SERINC2: variants seen among roughly 807,000 people sequenced by gnomAD.
The protein encoded by SERINC2 is serine incorporator 2, also known as tumor differentially expressed protein 2.
In SERINC2, 56 loss-of-function variants were observed where a neutral mutation model predicts 54.2. That is an observed-to-expected ratio of 1.03 (90% CI 0.83 to 1.29). The LOEUF (loss-of-function observed/expected upper bound fraction) is 1.29, where lower values mean the gene tolerates loss of function less well. Among genes scored for constraint, SERINC2 ranks in the 50% most tolerant of loss-of-function variants. SERINC2 has a pLI of 0.00. For synonymous variants in SERINC2, 272 were observed against 253.1 expected (o/e 1.07, Z -0.71); for missense variants, 614 against 607.4 (o/e 1.01, Z -0.12).
intron 1 of SERINC2, among the ~76,000 whole-genome samples, chr1:31,416,557 C>T (rs782348592): frequency 3.9e-4 from 60 of 152,196 alleles, no homozygotes; most frequent in Non-Finnish European, 6.8e-4. Flanking sequence ...AGCCCTGGGG[C>T]GGCTCAGCCA....
At chr1:31,417,100 T>C (rs551892267) in intron 1 of SERINC2, among the ~76,000 whole-genome samples, 4 of 152,326 alleles carry the variant, frequency 2.6e-5, no homozygotes, top group Non-Finnish European at 5.9e-5. Context: ...CCCAAACGAA[T>C]GGCATTGTCA....
At chr1:31,431,992 G>C (rs1473235037) in intron 8 of SERINC2, among the ~76,000 whole-genome samples, 6 of 144,608 alleles carry the variant, frequency 4.1e-5, no homozygotes, top group Non-Finnish European at 7.6e-5. Flanking sequence ...GGATAGGGTG[G>C]ATAGGGTGGA....
chr1:31,432,335 T>C (rs1181164595), intron 8 of SERINC2, among the ~76,000 whole-genome samples: 1 of 151,860 alleles, frequency 6.6e-6, no homozygotes, highest in Non-Finnish European at 1.5e-5. Context: ...GAGTTGGTTT[T>C]TCAAAAATTT....
chr1:31,433,396 G>C (rs1233475903), intron 9 of SERINC2, among the ~76,000 whole-genome samples: 7 of 152,136 alleles, frequency 4.6e-5, no homozygotes, highest in Non-Finnish European at 1.5e-5. Flanking sequence ...CCTTCACTAG[G>C]AGACTGAACC....
chr1:31,432,168 G>A (rs1056254997), intron 8 of SERINC2, among the ~76,000 whole-genome samples: 1 of 146,004 alleles, frequency 6.8e-6, no homozygotes, highest in Non-Finnish European at 1.5e-5. Flanking sequence ...GGGTGGATAG[G>A]GTGGATAGGG....
At chr1:31,421,171 T>C (rs112438288) in intron 1 of SERINC2, among the ~76,000 whole-genome samples, 127 of 152,310 alleles carry the variant, frequency 8.3e-4, no homozygotes, top group Non-Finnish European at 1.6e-3. Context: ...GAACTGTGCA[T>C]GCGAGGGATC....
At chr1:31,431,895 TAG>T (rs1641242751) in intron 8 of SERINC2, among the ~76,000 whole-genome samples, 3 of 18,094 alleles carry the variant, frequency 1.7e-4, no homozygotes, top group Non-Finnish European at 7.7e-4. Flanking sequence ...ACAGGGTGGA[TAG>T]GGTGGATAGG....
chr1:31,413,969 C>G lies in SERINC2; in HGVS notation c.39+665C>G, dbSNP rs1452938336. The G allele has an allele frequency of 6.5e-7, 1 of 1,528,978 alleles. No individual in the cohort carries two copies. The allele number at this position is 1,528,978 out of a possible 1,614,324, so 94.7% of individuals were successfully genotyped here. Reference sequence around the variant, plus strand: ...GGCTCGCGCTGCCTCTCAGGCACTTCCCCAGCTCGCCCCGGATCATCTGGG... The same window carrying G: ...GGCTCGCGCTGCCTCTCAGGCACTTGCCCAGCTCGCCCCGGATCATCTGGG... On this transcript the variant is annotated intron_variant, in intron 1 of 9. Coordinates refer to ENST00000373709, the MANE Select transcript of SERINC2 (RefSeq NM_178865.5). This position sits in a 1 kb window ranked among gnomAD's most constrained non-coding sequence, Gnocchi z 5.0.
At chr1:31,431,264 A>G (rs1553134422) in intron 8 of SERINC2, among the ~76,000 whole-genome samples, 6 of 151,884 alleles carry the variant, frequency 4.0e-5, no homozygotes, top group Non-Finnish European at 1.5e-5. Flanking sequence ...CACTGAGACT[A>G]CAGGTGCATA....
chr1:31,426,846 G>C, intron 6 of SERINC2, 23 bp downstream of exon 6: 1 of 1,607,024 alleles, frequency 6.2e-7, no homozygotes, highest in Non-Finnish European at 8.5e-7. Flanking sequence ...GACCCCCCCT[G>C]GCCTGAAGCC....
rs1553133247 is a variant in SERINC2 at position 31,424,707 on chromosome 1, GCCGGGATCCCCA to G, written c.230_241del (p.Gly77_Thr80del). The G allele has an allele frequency of 6.2e-7, 1 of 1,603,328 alleles. No individual in the cohort carries two copies. Among genetic ancestry groups the G allele is most frequent in the Non-Finnish European group, 8.5e-7 (1 of 1,175,222 alleles). On this transcript the variant is annotated inframe_deletion, in exon 3 of 10. Coordinates refer to ENST00000373709, the MANE Select transcript of SERINC2 (RefSeq NM_178865.5). ...GCTGCCCTGGGTGTGTGAGGAGGGG[GCCGGGATCCCCA>G]CCGTCCTGCAGGGCCACATCGACTG... is the stretch of plus-strand genomic sequence containing the variant.
chr1:31,425,073 G>T (rs937774859), intron 3 of SERINC2, among the ~76,000 whole-genome samples, 200 bp downstream of exon 3: 1 of 152,204 alleles, frequency 6.6e-6, no homozygotes, highest in South Asian at 2.1e-4. Flanking sequence ...CTCAGGCCCC[G>T]CAGCACTTCA....
upstream of SERINC2, chr1:31,410,070 T>C: frequency 9.1e-7 from 1 of 1,093,672 alleles, no homozygotes; most frequent in Non-Finnish European, 1.3e-6. Context: ...AAATGACCCC[T>C]ACATGTTTAT....
intron 7 of SERINC2, 100 bp downstream of exon 7, chr1:31,429,168 T>C (rs1641126788): frequency 8.7e-7 from 1 of 1,143,740 alleles, no homozygotes; most frequent in African/African-American, 1.5e-5. Flanking sequence ...GGGACATCCC[T>C]GCTCCAGCCC....
intron 8 of SERINC2, among the ~76,000 whole-genome samples, chr1:31,432,062 TGGACAGG>T (rs1641272185): frequency 7.6e-6 from 1 of 131,930 alleles, no homozygotes. Flanking sequence ...GTGGACAGGG[TGGACAGG>T]GTGGACAGGG....
At chr1:31,414,003 C>A (rs1553131849) in intron 1 of SERINC2, 46 of 1,528,070 alleles carry the variant, frequency 3.0e-5, no homozygotes, top group Non-Finnish European at 3.9e-5. Context: ...GGCCCCAGCG[C>A]GGAGACTGGG....
intron 6 of SERINC2, 39 bp downstream of exon 6, chr1:31,426,862 C>T: frequency 6.3e-7 from 1 of 1,580,472 alleles, no homozygotes; most frequent in Non-Finnish European, 8.7e-7. Flanking sequence ...AAGCCCGGCC[C>T]CTTAGTGGGT....
rs1641299610 is a variant in SERINC2, at chr1:31,432,147, C to CAGGGTGGTT, written c.1014-813_1014-812insTTAGGGTGG. Reference sequence around the variant, plus strand: ...GGGTGGATAGGGTGGACAGGGTGGACAGGGTGGACAGGGTGGATAGGGTGG... The same window carrying CAGGGTGGTT: ...GGGTGGATAGGGTGGACAGGGTGGACAGGGTGGTTAGGGTGGACAGGGTGGATAGGGTGG... On this transcript the variant is annotated intron_variant, in intron 8 of 9. Coordinates refer to ENST00000373709, the MANE Select transcript of SERINC2 (RefSeq NM_178865.5). Among the ~76,000 whole-genome samples, 2 of 4,770 alleles carry CAGGGTGGTT rather than the reference C, an allele frequency of 4.2e-4. 1 individual carries two copies. Among genetic ancestry groups the CAGGGTGGTT allele is most frequent in the Non-Finnish European group, 7.9e-4 (2 of 2,520 alleles). The allele number at this position is 4,770 out of a possible 152,430, so 3.1% of individuals were successfully genotyped here.
At chr1:31,432,222 G>A (rs908108308) in intron 8 of SERINC2, among the ~76,000 whole-genome samples, 6 of 151,342 alleles carry the variant, frequency 4.0e-5, no homozygotes, top group African/African-American at 1.5e-4. Context: ...GGGTGGAGAG[G>A]GTGGATAGGG....
Sources: gnomAD v4.1 joint callset for allele counts (sites outside exome capture counted in the v4.1 genomes callset) on GRCh38, gnomAD v4.1.1 for gene constraint, Gnocchi (gnomAD v3.1) non-coding constraint, MANE v1.5 for transcripts, NCBI Gene and HGNC (gene_info 2026-07-23, HGNC 2026-07-21) for gene names.